Variants in PACRG observed in about 807,000 individuals in gnomAD.
PACRG encodes the protein parkin coregulated, also known as parkin coregulated gene protein.
In PACRG, 29 loss-of-function variants were observed where a neutral mutation model predicts 29.7. That is an observed-to-expected ratio of 0.98 (90% confidence interval 0.73 to 1.33). The LOEUF (loss-of-function observed/expected upper bound fraction) is 1.33, where lower values mean the gene tolerates loss of function less well. Among genes scored for constraint, PACRG ranks in the 40% most tolerant of loss-of-function variants. PACRG has a pLI of 0.00. For missense variants in PACRG, 279 were observed against 316.2 expected (o/e 0.88, Z 0.89); for synonymous variants, 116 against 118.7 (o/e 0.98, Z 0.15).
intron 2 of PACRG, among the ~76,000 whole-genome samples, chr6:163,004,025 G>A (rs1271415934): frequency 6.6e-6 from 1 of 151,986 alleles, no homozygotes; most frequent in South Asian, 2.1e-4. Context: ...AAAAGATAAT[G>A]ACCATATCAA....
chr6:162,817,078 C>T (rs1787420038), intron 2 of PACRG, among the ~76,000 whole-genome samples: 1 of 152,190 alleles, frequency 6.6e-6, no homozygotes, highest in South Asian at 2.1e-4. Flanking sequence ...AGAAGCAGGT[C>T]TGTTGCTTTT....
intron 4 of PACRG, among the ~76,000 whole-genome samples, chr6:163,121,717 G>C (rs951920633): frequency 1.4e-5 from 2 of 146,184 alleles, no homozygotes; most frequent in Non-Finnish European, 3.0e-5. Flanking sequence ...CCAAGCTGGA[G>C]TGCAGTGGCA....
intron 2 of PACRG, among the ~76,000 whole-genome samples, chr6:162,868,649 G>A (rs565572018): frequency 6.6e-6 from 1 of 152,182 alleles, no homozygotes; most frequent in East Asian, 1.9e-4. Flanking sequence ...CACCCGAGCC[G>A]CCAGAGCACA....
At position 163,168,773 on chromosome 6, in the gene PACRG, T is replaced by C. The variant is rs374408102; in HGVS notation, c.613+79365T>C. 4.6e-5 allele frequency among the ~76,000 whole-genome samples: 7 copies of C among 152,248 alleles called. No individual in the cohort carries two copies. In the East Asian group the frequency reaches 5.8e-4, roughly 13 times the overall value. On this transcript the variant is annotated intron_variant, in intron 4 of 4. Coordinates refer to ENST00000366888, the MANE Select transcript of PACRG (RefSeq NM_001080379.2). ...ATATTCTCCAATCATCTACACTGAATATTTTAAATGGGAATTTTTGAAGTG... is the reference window on the plus strand; with the variant it reads ...ATATTCTCCAATCATCTACACTGAACATTTTAAATGGGAATTTTTGAAGTG...
chr6:162,881,148 C>G (rs748584624), intron 2 of PACRG, among the ~76,000 whole-genome samples: 2 of 152,186 alleles, frequency 1.3e-5, no homozygotes, highest in East Asian at 1.9e-4. Flanking sequence ...GCATATACTT[C>G]ATTCTTTGGA....
intron 4 of PACRG, among the ~76,000 whole-genome samples, chr6:163,225,334 TAGTG>T (rs1781745696): frequency 6.6e-6 from 1 of 152,218 alleles, no homozygotes; most frequent in Non-Finnish European, 1.5e-5. Context: ...GTTCTCATGA[TAGTG>T]AGTGAGTTCT....
At position 163,213,611 on chromosome 6, in the gene PACRG, T is replaced by C. The variant is rs145201592; in HGVS notation, c.614-101216T>C. 7.0e-3 allele frequency among the ~76,000 whole-genome samples: 1,068 copies of C among 152,336 alleles called. 6 individuals are homozygous for C. The highest frequency in any genetic ancestry group is 0.012 in the Non-Finnish European group (790 of 68,026). The stretch of plus-strand genomic sequence containing the variant: ...TATCTTTTCATGTGATCATTGACCA[T>C]TTATACTTTTTTTATGAAGCCTCTA... On this transcript the variant is annotated intron_variant, in intron 4 of 4. Transcript: ENST00000366888.
At chr6:163,205,198 T>C (rs2128151520) in intron 4 of PACRG, among the ~76,000 whole-genome samples, 1 of 152,284 alleles carries the variant, frequency 6.6e-6, no homozygotes, top group South Asian at 2.1e-4. Context: ...ACATTCTTCA[T>C]AGAATTAGAA....
chr6:162,802,801 G>C (rs1785989732), intron 1 of PACRG, among the ~76,000 whole-genome samples: 1 of 152,080 alleles, frequency 6.6e-6, no homozygotes, highest in Non-Finnish European at 1.5e-5. Context: ...CAAAAAAAAT[G>C]GTCTCTCTCA....
At chr6:162,802,458 G>A (rs1286890134) in intron 1 of PACRG, among the ~76,000 whole-genome samples, 1 of 152,078 alleles carries the variant, frequency 6.6e-6, no homozygotes, top group East Asian at 1.9e-4. Flanking sequence ...CATATAGCTT[G>A]TTTTCTAAAA....
Position 162,947,350 on chromosome 6 carries a change from CAT to C in PACRG, c.292-114792_292-114791del, listed in dbSNP as rs1335465306. On this transcript the variant is annotated intron_variant, in intron 2 of 4. Transcript: ENST00000366888. ...CATATAATCATATATATAATGATTA[CAT>C]ATATATAATGTAATCATATATAATC... Among the ~76,000 whole-genome samples, 14 of 5,008 alleles carry C rather than the reference CAT, an allele frequency of 2.8e-3. 2 individuals carry two copies. The highest frequency in any genetic ancestry group is 4.0e-3 in the African/African-American group (14 of 3,466). 3.3% of individuals were successfully genotyped at this position (5,008 alleles called of 152,430 possible).
At chr6:163,002,658 A>G (rs1804696077) in intron 2 of PACRG, among the ~76,000 whole-genome samples, 1 of 152,196 alleles carries the variant, frequency 6.6e-6, no homozygotes, top group Non-Finnish European at 1.5e-5. Flanking sequence ...TTTGCAAAAC[A>G]GTTTGGTTAA....
chr6:162,849,276 C>CAA (rs1319046238), intron 2 of PACRG, among the ~76,000 whole-genome samples: 1 of 152,174 alleles, frequency 6.6e-6, no homozygotes, highest in Non-Finnish European at 1.5e-5. Context: ...GAATATCACA[C>CAA]AAGCAGACAA....
chr6:162,775,152 A>G (rs1783543752), intron 1 of PACRG, among the ~76,000 whole-genome samples: 2 of 152,148 alleles, frequency 1.3e-5, no homozygotes, highest in South Asian at 4.1e-4. Flanking sequence ...CCATGTGGGG[A>G]CCCAGTGAGA....
At chr6:162,738,399 T>G (rs1280541153) in intron 1 of PACRG, among the ~76,000 whole-genome samples, 1 of 152,214 alleles carries the variant, frequency 6.6e-6, no homozygotes, top group Non-Finnish European at 1.5e-5. Flanking sequence ...AGATGTGACT[T>G]TCCCCATCTT....
At chr6:162,761,830 G>A (rs180966099) in intron 1 of PACRG, among the ~76,000 whole-genome samples, 3 of 151,254 alleles carry the variant, frequency 2.0e-5, no homozygotes, top group Non-Finnish European at 4.4e-5. Context: ...CCAGCTTCTC[G>A]AGAGGCTGGG....
At chr6:163,093,221 CTT>C (rs992418203) in intron 4 of PACRG, among the ~76,000 whole-genome samples, 1 of 152,168 alleles carries the variant, frequency 6.6e-6, no homozygotes, top group African/African-American at 2.4e-5. Flanking sequence ...CCACGGTCCT[CTT>C]TGAAAAAACC....
intron 4 of PACRG, among the ~76,000 whole-genome samples, chr6:163,221,197 T>G (rs1781570503): frequency 6.6e-6 from 1 of 152,198 alleles, no homozygotes; most frequent in Non-Finnish European, 1.5e-5. Flanking sequence ...ATACTCTATT[T>G]CCCCACATCT....
intron 2 of PACRG, among the ~76,000 whole-genome samples, chr6:163,014,461 A>G (rs1805897432): frequency 6.6e-6 from 1 of 152,040 alleles, no homozygotes; most frequent in Non-Finnish European, 1.5e-5. Flanking sequence ...GAACTAATTT[A>G]CATTCTCACC....
Sources: allele counts gnomAD v4.1 joint callset (sites outside exome capture counted in the v4.1 genomes callset), GRCh38; gene constraint gnomAD v4.1.1; transcripts MANE v1.5; gene names NCBI Gene and HGNC (gene_info 2026-07-23, HGNC 2026-07-21).